PTPRD: variants seen among roughly 807,000 people sequenced by gnomAD.
PTPRD encodes the protein receptor-type tyrosine-protein phosphatase delta.
PTPRD carries 34 observed loss-of-function variants against 214.5 expected under a neutral mutation model. That is an observed-to-expected ratio of 0.16 (90% confidence interval 0.12 to 0.21). PTPRD has a LOEUF of 0.21. Ranked by LOEUF, PTPRD falls within the 10% of genes least tolerant of loss-of-function variation. The pLI is 1.00. For synonymous variants in PTPRD, 1,128 were observed against 845.7 expected, an observed-to-expected ratio of 1.33 and a Z score of -5.79; for missense variants, 2,545 against 2,398.7, an observed-to-expected ratio of 1.06 and a Z score of -1.27.
Position 9,088,581 on chromosome 9 carries a change from G to GAAAAAAAAAAAAAAA in PTPRD, c.-142-69861_-142-69847dup, listed in dbSNP as rs533619970. On this transcript the variant is annotated intron_variant, in intron 10 of 45. Transcript: ENST00000381196. ...GGCGACAGAGTGAGACTTAGTCTCAGAAAAAAAAAAAAAAAAAAAAAAAAA... is the reference window on the plus strand; with the variant it reads ...GGCGACAGAGTGAGACTTAGTCTCAGAAAAAAAAAAAAAAAAAAAAAAAAAAAAAAAAAAAAAAAA... Among the ~76,000 whole-genome samples the GAAAAAAAAAAAAAAA allele has an allele frequency of 2.3e-3, 76 of 33,026 alleles. 5 individuals are homozygous for GAAAAAAAAAAAAAAA. Among genetic ancestry groups the GAAAAAAAAAAAAAAA allele is most frequent in the African/African-American group, 4.6e-3 (49 of 10,612 alleles). The allele number at this position is 33,026 out of a possible 152,430, so 21.7% of individuals were successfully genotyped here. A position where few individuals can be genotyped will look rare whatever the true frequency, so the allele number is the denominator to read the frequency against.
intron 9 of PTPRD, among the ~76,000 whole-genome samples, chr9:9,214,483 A>AT (rs57017587): frequency 0.33 from 47,403 of 144,786 alleles, 8,476 homozygotes; most frequent in Middle Eastern, 0.46. Flanking sequence ...AGGGAGGAGG[A>AT]TTTTTTTTTT....
intron 9 of PTPRD, among the ~76,000 whole-genome samples, chr9:9,273,054 A>C (rs1943571265): frequency 2.0e-5 from 3 of 151,356 alleles, no homozygotes; most frequent in African/African-American, 7.3e-5. Context: ...GCAGGAAATA[A>C]CAGTAGCAGT....
At chr9:8,615,267 A>G (rs1248534780) in intron 14 of PTPRD, among the ~76,000 whole-genome samples, 1 of 152,136 alleles carries the variant, frequency 6.6e-6, no homozygotes, top group Non-Finnish European at 1.5e-5. Context: ...CTCAGAGAAT[A>G]TACCTCCAAG....
intron 5 of PTPRD, among the ~76,000 whole-genome samples, chr9:9,854,649 T>C (rs558262871): frequency 6.6e-6 from 1 of 152,310 alleles, no homozygotes; most frequent in South Asian, 2.1e-4. Context: ...CCACCATATT[T>C]TTACTTGTTT....
chr9:10,056,933 G>A (rs2097662751), intron 3 of PTPRD, among the ~76,000 whole-genome samples: 1 of 151,974 alleles, frequency 6.6e-6, no homozygotes, highest in East Asian at 1.9e-4. Flanking sequence ...ATTCACTTTG[G>A]GATTGTTATT....
chr9:10,078,724 G>A lies in PTPRD; in HGVS notation c.-544-44934C>T, dbSNP rs147522325. ...TCTCCACAGTTCTCTTCTGATTGCT[G>A]TTTCAAAATGTGCCTCCTAGGAATT... On this transcript the variant is annotated intron_variant, in intron 3 of 45. Coordinates refer to ENST00000381196, the MANE Select transcript of PTPRD (RefSeq NM_002839.4). 2.7e-4 allele frequency among the ~76,000 whole-genome samples: 41 copies of A among 152,014 alleles called. No individual in the cohort carries two copies. In the East Asian group the frequency reaches 7.6e-3, roughly 28 times the overall value.
intron 35 of PTPRD, among the ~76,000 whole-genome samples, chr9:8,428,227 A>G (rs1462169060): frequency 6.6e-6 from 1 of 152,134 alleles, no homozygotes; most frequent in East Asian, 1.9e-4. Context: ...TTTGGACCCA[A>G]TCTGAGAAGC....
chr9:8,897,502 TG>T (rs2098629268), intron 11 of PTPRD, among the ~76,000 whole-genome samples: 1 of 152,058 alleles, frequency 6.6e-6, no homozygotes, highest in Non-Finnish European at 1.5e-5. Context: ...AGAGAATGTG[TG>T]GAAGATTTTG....
chr9:9,867,305 A>C (rs780939254), intron 5 of PTPRD, among the ~76,000 whole-genome samples: 60 of 152,142 alleles, frequency 3.9e-4, no homozygotes, highest in Non-Finnish European at 8.2e-4. Flanking sequence ...AGCTATGAAT[A>C]ATGAAATCAT....
chr9:8,722,382 T>G (rs1473853929), intron 12 of PTPRD, among the ~76,000 whole-genome samples: 1 of 152,194 alleles, frequency 6.6e-6, no homozygotes, highest in African/African-American at 2.4e-5. Context: ...TAACACCATG[T>G]ACTATTTTAG....
chr9:9,614,975 C>T (rs1295589041), intron 7 of PTPRD, among the ~76,000 whole-genome samples: 1 of 152,118 alleles, frequency 6.6e-6, no homozygotes, highest in African/African-American at 2.4e-5. Flanking sequence ...TAAGCTTTCT[C>T]AGTAGAAGGC....
chr9:8,521,169 A>T, intron 20 of PTPRD, 108 bp downstream of exon 20: 2 of 1,289,030 alleles, frequency 1.6e-6, no homozygotes, highest in Non-Finnish European at 2.1e-6. Flanking sequence ...CACATTTAAA[A>T]TGCTGAATAA....
At chr9:8,937,320 A>C (rs1263983877) in intron 11 of PTPRD, among the ~76,000 whole-genome samples, 1 of 152,230 alleles carries the variant, frequency 6.6e-6, no homozygotes, top group Admixed American at 6.5e-5. Context: ...GTTTAATTTC[A>C]CATCAGTTCA....
At chr9:10,506,643 G>A (rs758105524) in intron 2 of PTPRD, among the ~76,000 whole-genome samples, 1 of 151,884 alleles carries the variant, frequency 6.6e-6, no homozygotes, top group Non-Finnish European at 1.5e-5. Context: ...TTATATTATT[G>A]TTGCTCCAAG....
At chr9:9,675,429 A>G (rs1295700302) in intron 7 of PTPRD, among the ~76,000 whole-genome samples, 1 of 151,852 alleles carries the variant, frequency 6.6e-6, no homozygotes, top group Non-Finnish European at 1.5e-5. Flanking sequence ...ACAATAATAC[A>G]GAGAAGATCA....
chr9:8,374,565 C>T (rs1386849283), intron 39 of PTPRD, among the ~76,000 whole-genome samples: 1 of 151,962 alleles, frequency 6.6e-6, no homozygotes, highest in African/African-American at 2.4e-5. Flanking sequence ...AGACTTGAGG[C>T]CGATTACGCC....
chr9:9,314,577 G>T (rs1208948931), intron 9 of PTPRD, among the ~76,000 whole-genome samples: 1 of 152,020 alleles, frequency 6.6e-6, no homozygotes, highest in Non-Finnish European at 1.5e-5. Flanking sequence ...AATGTAAAAG[G>T]CTTCCTGTTT....
chr9:10,339,244 C>A (rs902280276), intron 3 of PTPRD, among the ~76,000 whole-genome samples: 1 of 151,784 alleles, frequency 6.6e-6, no homozygotes, highest in African/African-American at 2.4e-5. Flanking sequence ...AGTGTTACAA[C>A]CATGCAGTTG....
intron 3 of PTPRD, among the ~76,000 whole-genome samples, chr9:10,149,907 T>C (rs2099049161): frequency 6.6e-6 from 1 of 151,992 alleles, no homozygotes; most frequent in African/African-American, 2.4e-5. Flanking sequence ...ATTTTTGTAT[T>C]TTTAGTAGAG....
Sources: allele counts gnomAD v4.1 joint callset (sites outside exome capture counted in the v4.1 genomes callset), GRCh38; gene constraint gnomAD v4.1.1; transcripts MANE v1.5; gene names NCBI Gene and HGNC (gene_info 2026-07-23, HGNC 2026-07-21).